MACROD2: variants seen among roughly 807,000 people sequenced by gnomAD.
The protein encoded by MACROD2 is ADP-ribose glycohydrolase MACROD2.
In MACROD2, 36 loss-of-function variants were observed where a neutral mutation model predicts 70.4. The ratio of observed to expected loss-of-function variants is 0.51; its 90% CI spans 0.39 to 0.68. MACROD2 has a LOEUF of 0.68. MACROD2 is among the 30% of genes least tolerant of loss of function. The pLI is 0.00. For missense variants in MACROD2, 496 were observed against 538.4 expected, an observed-to-expected ratio of 0.92 and a Z score of 0.78; for synonymous variants, 172 against 178.8, an observed-to-expected ratio of 0.96 and a Z score of 0.30.
At position 15,948,186 on chromosome 20, in the gene MACROD2, C is replaced by T. The variant is rs148075665; in HGVS notation, c.907+10642C>T. On this transcript the variant is annotated intron_variant, in intron 12 of 17. Coordinates refer to ENST00000684519, the MANE Select transcript of MACROD2 (RefSeq NM_001351661.2). ...ATGGGGCTTGCAACTTAGCTCACAC[C>T]CAACCAGTGAGGTAGTAAAGAGAGC... Among the ~76,000 whole-genome samples, 564 of 151,772 alleles carry T rather than the reference C, an allele frequency of 3.7e-3. 3 individuals carry two copies. The highest frequency in any genetic ancestry group is 0.013 in the African/African-American group (542 of 41,418).
chr20:15,354,952 A>T (rs958997948), intron 6 of MACROD2, among the ~76,000 whole-genome samples: 2 of 152,206 alleles, frequency 1.3e-5, no homozygotes, highest in Non-Finnish European at 2.9e-5. Context: ...TGCATGATTT[A>T]CTCAAGTTTC....
At chr20:15,394,553 C>T (rs963171571) in intron 6 of MACROD2, among the ~76,000 whole-genome samples, 11 of 152,178 alleles carry the variant, frequency 7.2e-5, no homozygotes, top group African/African-American at 2.2e-4. Flanking sequence ...GATGACAGGG[C>T]CAAATAAACC....
At chr20:14,340,365 A>G (rs1029757304) in intron 3 of MACROD2, among the ~76,000 whole-genome samples, 2 of 152,212 alleles carry the variant, frequency 1.3e-5, no homozygotes, top group African/African-American at 4.8e-5. Flanking sequence ...TGCCTGACTC[A>G]TAGTAAGTGC....
At chr20:14,396,132 T>A (rs1172876978) in intron 3 of MACROD2, among the ~76,000 whole-genome samples, 3 of 152,238 alleles carry the variant, frequency 2.0e-5, no homozygotes, top group African/African-American at 7.2e-5. Context: ...TATTGAGACA[T>A]GTTTTATGGT....
At chr20:15,883,162 G>A (rs1325655189) in intron 9 of MACROD2, among the ~76,000 whole-genome samples, 4 of 151,904 alleles carry the variant, frequency 2.6e-5, no homozygotes, top group Non-Finnish European at 5.9e-5. Context: ...GGTGAATAAC[G>A]GAAATATAAG....
At position 15,576,552 on chromosome 20, in the gene MACROD2, G is replaced by GT. The variant is rs11473854; in HGVS notation, c.645+76717dup. Among the ~76,000 whole-genome samples, 119 of 145,772 alleles carry GT rather than the reference G, an allele frequency of 8.2e-4. 1 individual carries two copies. Among genetic ancestry groups the GT allele is most frequent in the South Asian group, 4.8e-3 (22 of 4,602 alleles). Reference sequence around the variant, plus strand: ...ACTAACTTTGTTTTCTGCACAAAATGTTTTTTTTTTTTCTTCCCAGAGGTT... The same window carrying GT: ...ACTAACTTTGTTTTCTGCACAAAATGTTTTTTTTTTTTTCTTCCCAGAGGTT... On this transcript the variant is annotated intron_variant, in intron 8 of 17. Coordinates refer to ENST00000684519, the MANE Select transcript of MACROD2 (RefSeq NM_001351661.2).
chr20:15,062,115 G>T (rs996304562), intron 5 of MACROD2, among the ~76,000 whole-genome samples: 13 of 152,162 alleles, frequency 8.5e-5, no homozygotes, highest in African/African-American at 3.1e-4. Context: ...AAGAATGGGG[G>T]AGTGCTTCTA....
chr20:14,456,713 C>CTTTTTTT (rs10696382), intron 3 of MACROD2, among the ~76,000 whole-genome samples: 11 of 101,126 alleles, frequency 1.1e-4, no homozygotes, highest in Admixed American at 2.5e-4. Context: ...GACTCAGGAT[C>CTTTTTTT]TTTTTTTTTT....
chr20:14,353,908 A>G (rs549767551), intron 3 of MACROD2, among the ~76,000 whole-genome samples: 301 of 152,194 alleles, frequency 2.0e-3, no homozygotes, highest in African/African-American at 6.6e-3. Flanking sequence ...AAAAAATATC[A>G]TCAGGAGGAA....
intron 5 of MACROD2, among the ~76,000 whole-genome samples, chr20:15,053,319 G>A (rs1049974424): frequency 6.6e-6 from 1 of 152,180 alleles, no homozygotes; most frequent in Non-Finnish European, 1.5e-5. Context: ...GAAAAGAGAA[G>A]TCATAGGTTG....
chr20:15,600,564 A>G (rs2048805254), intron 8 of MACROD2, among the ~76,000 whole-genome samples: 1 of 152,220 alleles, frequency 6.6e-6, no homozygotes, highest in Non-Finnish European at 1.5e-5. Flanking sequence ...GAGCTTTAGG[A>G]AATCTAACCA....
chr20:14,973,116 A>C (rs2074706739), intron 5 of MACROD2, among the ~76,000 whole-genome samples: 2 of 152,116 alleles, frequency 1.3e-5, no homozygotes, highest in South Asian at 4.1e-4. Context: ...TCATACAGTT[A>C]ATTAAGGGCA....
chr20:15,022,872 T>C (rs1222608466), intron 5 of MACROD2: 1 of 152,174 alleles, frequency 6.6e-6, no homozygotes, highest in East Asian at 1.9e-4. Context: ...TGGCAACACA[T>C]ATACTAAAAT....
intron 4 of MACROD2, among the ~76,000 whole-genome samples, chr20:14,626,684 A>C (rs1350180556): frequency 6.6e-6 from 1 of 152,164 alleles, no homozygotes; most frequent in East Asian, 1.9e-4. Context: ...AAGGAAAACA[A>C]TAATCCATAC....
chr20:14,288,060 T>C (rs1412865168), intron 3 of MACROD2, among the ~76,000 whole-genome samples: 2 of 152,076 alleles, frequency 1.3e-5, no homozygotes, highest in African/African-American at 2.4e-5. Context: ...GAAAGGATTA[T>C]ACAAGGTGTG....
chr20:14,351,199 T>C (rs1457298995), intron 3 of MACROD2, among the ~76,000 whole-genome samples: 3 of 152,150 alleles, frequency 2.0e-5, no homozygotes, highest in African/African-American at 7.2e-5. Context: ...TTCAACTACT[T>C]TTCTTTTTGT....
At chr20:15,526,933 T>A (rs2047729625) in intron 8 of MACROD2, among the ~76,000 whole-genome samples, 2 of 152,216 alleles carry the variant, frequency 1.3e-5, no homozygotes, top group Admixed American at 1.3e-4. Flanking sequence ...ATGTTTTGTT[T>A]GTTTCAAAAT....
chr20:15,480,743 C>T (rs2047086045), intron 7 of MACROD2, among the ~76,000 whole-genome samples: 1 of 152,100 alleles, frequency 6.6e-6, no homozygotes, highest in Non-Finnish European at 1.5e-5. Context: ...TTCCCCATGC[C>T]ACTCCCTTTT....
chr20:15,295,804 C>A (rs1406032123), intron 6 of MACROD2, among the ~76,000 whole-genome samples: 4 of 152,150 alleles, frequency 2.6e-5, no homozygotes, highest in Non-Finnish European at 5.9e-5. Flanking sequence ...AGCAGATAAG[C>A]TACAAGCCTG....
Sources: allele counts gnomAD v4.1 joint callset (sites outside exome capture counted in the v4.1 genomes callset), GRCh38; gene constraint gnomAD v4.1.1; transcripts MANE v1.5; gene names NCBI Gene and HGNC (gene_info 2026-07-23, HGNC 2026-07-21).